The following UCK2 variants were observed in gnomAD, a reference collection of about 807,000 sequenced individuals.
UCK2 encodes the protein cytidine monophosphokinase 2.
Under a neutral mutation model 30.8 loss-of-function variants are expected in UCK2, and 6 were observed. The ratio of observed to expected loss-of-function variants is 0.19; its 90% confidence interval spans 0.11 to 0.38. UCK2 has a LOEUF of 0.38. Among genes scored for constraint, UCK2 ranks in the 10% least tolerant of loss-of-function variants. The pLI, the probability that UCK2 is intolerant of heterozygous loss-of-function variation, is 1.00. For missense variants in UCK2, 210 were observed against 339.8 expected (o/e 0.62, Z 3.00); for synonymous variants, 125 against 133.6 (o/e 0.94, Z 0.45).
chr1:165,865,368 G>A lies in UCK2; in HGVS notation c.100-24836G>A, dbSNP rs561756883. Among the ~76,000 whole-genome samples the A allele has an allele frequency of 3.3e-5, 5 of 152,258 alleles. No homozygotes were observed. The South Asian group carries it at 1.0e-3, about 32-fold the overall frequency. ...CTGTGAGTAGTTTCCCAGATGTAGT[G>A]TGTTGCAGGGGTGACAGTACTGAAA... On this transcript the variant is annotated intron_variant, in intron 1 of 6. Coordinates refer to ENST00000367879, the MANE Select transcript of UCK2 (RefSeq NM_012474.5).
intron 2 of UCK2, 184 bp from the exon 3 acceptor site, chr1:165,891,042 C>G (rs770244704): frequency 3.0e-5 from 17 of 574,418 alleles, no homozygotes; most frequent in Non-Finnish European, 4.7e-5. Context: ...ATTTATACAC[C>G]CTATTTTGAG....
chr1:165,850,562 C>T (rs1426943668), intron 1 of UCK2, among the ~76,000 whole-genome samples: 1 of 151,956 alleles, frequency 6.6e-6, no homozygotes, highest in Non-Finnish European at 1.5e-5. Context: ...GCTTCAACCT[C>T]CCAAGTAGCT....
chr1:165,875,669 G>A (rs909453402), intron 1 of UCK2, among the ~76,000 whole-genome samples: 3 of 152,138 alleles, frequency 2.0e-5, no homozygotes, highest in African/African-American at 7.2e-5. Context: ...TGCTGGAGTG[G>A]CTCACAGAAC....
intron 1 of UCK2, among the ~76,000 whole-genome samples, chr1:165,887,058 AG>A (rs1303681470): frequency 6.6e-6 from 1 of 152,228 alleles, no homozygotes; most frequent in Non-Finnish European, 1.5e-5. Flanking sequence ...GTTGAGGTAA[AG>A]AGCCAGGACT....
intron 1 of UCK2, among the ~76,000 whole-genome samples, chr1:165,833,114 C>G (rs372280345): frequency 4.6e-5 from 7 of 152,342 alleles, no homozygotes; most frequent in African/African-American, 1.7e-4. Context: ...TCGGCGCCCA[C>G]TGCTCTGTTC....
At chr1:165,896,158 G>C in intron 3 of UCK2, 32 bp from the exon 4 acceptor site, 1 of 1,613,078 alleles carries the variant, frequency 6.2e-7, no homozygotes. Flanking sequence ...CCCCTGCCTG[G>C]CTTGGCCCAT....
At chr1:165,872,159 C>T (rs1655212217) in intron 1 of UCK2, among the ~76,000 whole-genome samples, 1 of 152,150 alleles carries the variant, frequency 6.6e-6, no homozygotes, top group African/African-American at 2.4e-5. Context: ...ACTGCAAACA[C>T]CACCTTCCAG....
intron 1 of UCK2, among the ~76,000 whole-genome samples, chr1:165,848,995 G>T (rs78812845): frequency 6.6e-6 from 1 of 152,158 alleles, no homozygotes; most frequent in African/African-American, 2.4e-5. Flanking sequence ...GGTGGCTCAG[G>T]CCTGTAATCC....
chr1:165,897,024 A>C (rs898145451), intron 4 of UCK2, among the ~76,000 whole-genome samples: 1 of 152,192 alleles, frequency 6.6e-6, no homozygotes, highest in African/African-American at 2.4e-5. Flanking sequence ...ATGGAGGAAG[A>C]AGGGTTGGGA....
At chr1:165,853,065 C>T (rs1654637526) in intron 1 of UCK2, among the ~76,000 whole-genome samples, 1 of 152,202 alleles carries the variant, frequency 6.6e-6, no homozygotes, top group African/African-American at 2.4e-5. Flanking sequence ...TCTGTGTGAG[C>T]TCCAAGGGGC....
At chr1:165,869,591 T>C (rs918453505) in intron 1 of UCK2, among the ~76,000 whole-genome samples, 1 of 151,928 alleles carries the variant, frequency 6.6e-6, no homozygotes, top group Non-Finnish European at 1.5e-5. Flanking sequence ...ACATTTGTTC[T>C]TTCTAGTTTC....
At chr1:165,899,783 C>T (rs1557849494) in intron 4 of UCK2, among the ~76,000 whole-genome samples, 1 of 152,200 alleles carries the variant, frequency 6.6e-6, no homozygotes, top group Admixed American at 6.5e-5. Flanking sequence ...GCCCTGTTTC[C>T]TGACTCTGCC....
chr1:165,903,163 GT>G lies in UCK2; in HGVS notation c.500-15del. On this transcript the variant is annotated intron_variant, in intron 4 of 6. Coordinates refer to ENST00000367879, the MANE Select transcript of UCK2 (RefSeq NM_012474.5). ...GCTCCTACACCGTTTTTTGATTCTT[GT>G]TTTCCCTTCTCTTACAGTATTAAGG... is the stretch of plus-strand genomic sequence containing the variant. The G allele has an allele frequency of 1.2e-6, 2 of 1,603,556 alleles. No homozygotes were observed. Among genetic ancestry groups the G allele is most frequent in the Non-Finnish European group, 1.7e-6 (2 of 1,173,960 alleles).
At position 165,871,142 on chromosome 1, in the gene UCK2, T is replaced by C. The variant is rs549678494; in HGVS notation, c.100-19062T>C. On this transcript the variant is annotated intron_variant, in intron 1 of 6. Coordinates refer to ENST00000367879, the MANE Select transcript of UCK2 (RefSeq NM_012474.5). ...CTGTTAGTGTTTAGTATGGTTTCTT[T>C]TTGTGTAGGGGGAGTGAATTTTTTG... Among the ~76,000 whole-genome samples, 273 of 152,270 alleles carry C rather than the reference T, an allele frequency of 1.8e-3. 2 individuals are homozygous for C. Among genetic ancestry groups the C allele is most frequent in the Non-Finnish European group, 1.8e-3 (121 of 68,012 alleles).
At chr1:165,878,639 C>T (rs530167093) in intron 1 of UCK2, among the ~76,000 whole-genome samples, 34 of 152,182 alleles carry the variant, frequency 2.2e-4, no homozygotes, top group Non-Finnish European at 2.9e-4. Flanking sequence ...CCACCGTGCC[C>T]GGCTGCCAGC....
At chr1:165,906,675 T>A (rs1647673338) in intron 6 of UCK2, among the ~76,000 whole-genome samples, 1 of 152,232 alleles carries the variant, frequency 6.6e-6, no homozygotes, top group Non-Finnish European at 1.5e-5. Flanking sequence ...GCCCCATTGT[T>A]TTATTTATTT....
At chr1:165,867,399 A>G (rs901407734) in intron 1 of UCK2, among the ~76,000 whole-genome samples, 3 of 152,236 alleles carry the variant, frequency 2.0e-5, no homozygotes, top group Non-Finnish European at 2.9e-5. Flanking sequence ...CATTTTGCCC[A>G]TAGTCAAACT....
intron 1 of UCK2, among the ~76,000 whole-genome samples, chr1:165,857,459 A>G (rs1321870287): frequency 6.6e-6 from 1 of 152,214 alleles, no homozygotes; most frequent in African/African-American, 2.4e-5. Flanking sequence ...AGTGCAGAGT[A>G]CTGTGGGGAC....
chr1:165,901,001 T>C (rs943579107), intron 4 of UCK2, among the ~76,000 whole-genome samples: 2 of 152,172 alleles, frequency 1.3e-5, no homozygotes, highest in Admixed American at 1.3e-4. Flanking sequence ...GCTGTGTGTT[T>C]TGGCGGTGCT....
Sources: gnomAD v4.1 joint callset for allele counts (sites outside exome capture counted in the v4.1 genomes callset) on GRCh38, gnomAD v4.1.1 for gene constraint, MANE v1.5 for transcripts, NCBI Gene and HGNC (gene_info 2026-07-23, HGNC 2026-07-21) for gene names.